The following RHOBTB3 variants were observed in gnomAD, a reference collection of about 807,000 sequenced individuals.
RHOBTB3 encodes the protein rho-related BTB domain-containing protein 3.
In RHOBTB3, 47 loss-of-function variants were observed where a neutral mutation model predicts 67.2. The ratio of observed to expected loss-of-function variants is 0.70; its 90% confidence interval spans 0.55 to 0.89. The LOEUF is 0.89. Among genes scored for constraint, RHOBTB3 ranks in the 40% least tolerant of loss-of-function variants. The pLI is 0.00. For synonymous variants in RHOBTB3, 273 were observed against 274.2 expected (o/e 1.00, Z 0.04); for missense variants, 631 against 750.0 (o/e 0.84, Z 1.85).
intron 1 of RHOBTB3, among the ~76,000 whole-genome samples, chr5:95,721,852 T>C (rs990339119): frequency 6.6e-6 from 1 of 152,158 alleles, no homozygotes; most frequent in African/African-American, 2.4e-5. Context: ...TCTATTAGAA[T>C]GCCAAAAGGA....
chr5:95,742,987 C>T (rs558259676), intron 3 of RHOBTB3, among the ~76,000 whole-genome samples: 3 of 152,250 alleles, frequency 2.0e-5, no homozygotes, highest in East Asian at 3.9e-4. Flanking sequence ...AGGAGAATGG[C>T]GTGAACCTGG....
At chr5:95,777,867 G>A (rs368219181) in intron 8 of RHOBTB3, among the ~76,000 whole-genome samples, 17 of 152,210 alleles carry the variant, frequency 1.1e-4, no homozygotes, top group South Asian at 4.1e-4. Flanking sequence ...CTGTAATGCC[G>A]GCACTTTGAG....
chr5:95,788,404 A>G (rs1030575363), intron 10 of RHOBTB3, among the ~76,000 whole-genome samples: 5 of 152,154 alleles, frequency 3.3e-5, no homozygotes, highest in African/African-American at 1.2e-4. Flanking sequence ...ACCATCATCT[A>G]CTACACAGAT....
Position 95,794,596 on chromosome 5 carries a change from TCA to T in RHOBTB3, c.*1425_*1426del, listed in dbSNP as rs1043310629. 1.3e-5 allele frequency: 2 copies of T among 152,220 alleles called. No homozygotes were observed. The highest frequency in any genetic ancestry group is 6.5e-5 in the Admixed American group (1 of 15,286). 9.4% of individuals were successfully genotyped at this position (152,220 alleles called of 1,614,324 possible). ...ATAGAGAAATAATTATATCAGAAAC[TCA>T]CAAACCTAGACATGGAAAAACAGAT... On this transcript the variant is annotated 3_prime_UTR_variant, in exon 12 of 12. Coordinates refer to ENST00000379982, the MANE Select transcript of RHOBTB3 (RefSeq NM_014899.4).
At chr5:95,773,199 A>T (rs770893828) in intron 8 of RHOBTB3, among the ~76,000 whole-genome samples, 3 of 152,198 alleles carry the variant, frequency 2.0e-5, no homozygotes, top group Non-Finnish European at 4.4e-5. Context: ...CTTTTCTTCC[A>T]TGATTCTACC....
chr5:95,752,406 C>T, intron 5 of RHOBTB3, 56 bp downstream of exon 5: 5 of 1,133,796 alleles, frequency 4.4e-6, no homozygotes, highest in Non-Finnish European at 6.6e-6. Flanking sequence ...CAGATCCTTT[C>T]TCACAGGTCT....
At chr5:95,743,795 C>G (rs931236026) in intron 3 of RHOBTB3, among the ~76,000 whole-genome samples, 2 of 147,936 alleles carry the variant, frequency 1.4e-5, no homozygotes, top group African/African-American at 5.0e-5. Flanking sequence ...ATGGCAACCT[C>G]CACCTCAGGT....
intron 11 of RHOBTB3, 61 bp downstream of exon 11, chr5:95,788,919 A>G: frequency 9.3e-7 from 1 of 1,069,664 alleles, no homozygotes; most frequent in Non-Finnish European, 1.4e-6. Flanking sequence ...TAGATTTGAG[A>G]CATAAGTTGT....
At chr5:95,720,306 A>T (rs1754830867) in intron 1 of RHOBTB3, among the ~76,000 whole-genome samples, 1 of 146,228 alleles carries the variant, frequency 6.8e-6, no homozygotes, top group South Asian at 2.3e-4. Context: ...TCAGTTGTTT[A>T]GAATAGTGAC....
At chr5:95,777,771 G>A (rs748935124) in intron 8 of RHOBTB3, among the ~76,000 whole-genome samples, 14 of 152,330 alleles carry the variant, frequency 9.2e-5, no homozygotes, top group East Asian at 1.9e-4. Flanking sequence ...AACAGGAAGC[G>A]TAATGGTTTT....
At chr5:95,748,991 A>T (rs1483127801) in intron 4 of RHOBTB3, among the ~76,000 whole-genome samples, 1 of 152,170 alleles carries the variant, frequency 6.6e-6, no homozygotes, top group Non-Finnish European at 1.5e-5. Flanking sequence ...TGCTTGTTGG[A>T]TATGTGGGAG....
At chr5:95,723,910 C>G (rs1272459202) in intron 1 of RHOBTB3, among the ~76,000 whole-genome samples, 1 of 152,226 alleles carries the variant, frequency 6.6e-6, no homozygotes, top group South Asian at 2.1e-4. Flanking sequence ...AGCACACTCC[C>G]AAGGGCTATA....
In RHOBTB3 at chr5:95,794,105, G is replaced by A. The variant is rs1341825461; in HGVS notation, c.*931G>A. Reference sequence around the variant, plus strand: ...AGATTCCCGCCTTTGGGGAGGTCTGGACCACCCAGGGCCTCCACTGCCACC... The same window carrying A: ...AGATTCCCGCCTTTGGGGAGGTCTGAACCACCCAGGGCCTCCACTGCCACC... On this transcript the variant is annotated 3_prime_UTR_variant, in exon 12 of 12. Transcript: ENST00000379982. 2 of 451,448 alleles carry A rather than the reference G, an allele frequency of 4.4e-6. No homozygotes were observed. The highest frequency in any genetic ancestry group is 4.0e-5 in the African/African-American group (2 of 49,756). The allele number at this position is 451,448 out of a possible 1,614,324, so 28.0% of individuals were successfully genotyped here. A position where few individuals can be genotyped will look rare whatever the true frequency, so the allele number is the denominator to read the frequency against.
chr5:95,762,805 T>A (rs1745431544), intron 6 of RHOBTB3, among the ~76,000 whole-genome samples: 1 of 152,098 alleles, frequency 6.6e-6, no homozygotes, highest in Non-Finnish European at 1.5e-5. Flanking sequence ...AGAGAAGTCC[T>A]TGGGGAAAAG....
In RHOBTB3 at chr5:95,788,858, G is replaced by T; in HGVS notation, c.1720G>T (p.Val574Leu). 6.6e-7 allele frequency: 1 copy of T among 1,514,266 alleles called. No individual in the cohort carries two copies. The highest frequency in any genetic ancestry group is 8.9e-7 in the Non-Finnish European group (1 of 1,129,054). 93.8% of individuals were successfully genotyped at this position (1,514,266 alleles called of 1,614,324 possible). A position where few individuals can be genotyped will look rare whatever the true frequency, so the allele number is the denominator to read the frequency against. Reference sequence around the variant, plus strand: ...AAAGCCTGAATTTCAGGATCTTTCAGGTAGATTGCTAATTTCTGTTTTGAA... The same window carrying T: ...AAAGCCTGAATTTCAGGATCTTTCATGTAGATTGCTAATTTCTGTTTTGAA... The part of the protein sequence containing the change: ...SQKPEFQDLS[V>L]EERSFVEKHR... The change falls in exon 11 of 12, where the codon GTG (valine) becomes TTG (leucine). Residue 574 changes from valine (V) to leucine (L), a missense_variant and splice_region_variant. By Grantham distance (32) the Val-to-Leu change is conservative. Coordinates refer to ENST00000379982, the MANE Select transcript of RHOBTB3 (RefSeq NM_014899.4).
At chr5:95,765,734 T>C (rs1745523189) in intron 7 of RHOBTB3, among the ~76,000 whole-genome samples, 1 of 152,226 alleles carries the variant, frequency 6.6e-6, no homozygotes, top group South Asian at 2.1e-4. Context: ...TGATCTCTGC[T>C]CACTGCAAGC....
chr5:95,762,002 T>C (rs1045565983), intron 6 of RHOBTB3, among the ~76,000 whole-genome samples: 3 of 152,096 alleles, frequency 2.0e-5, no homozygotes, highest in Non-Finnish European at 2.9e-5. Flanking sequence ...TACACAGCTT[T>C]GAGAATTTGA....
At chr5:95,756,675 A>T (rs981298777) in intron 6 of RHOBTB3, among the ~76,000 whole-genome samples, 8 of 151,786 alleles carry the variant, frequency 5.3e-5, no homozygotes, top group African/African-American at 1.9e-4. Context: ...CTTGCTGTTT[A>T]TTTTTTTTAA....
chr5:95,759,676 G>C (rs1295307537), intron 6 of RHOBTB3, among the ~76,000 whole-genome samples: 1 of 152,190 alleles, frequency 6.6e-6, no homozygotes, highest in Non-Finnish European at 1.5e-5. Flanking sequence ...AATGGGCCAG[G>C]CTTGTTTTGT....
Sources: gnomAD v4.1 joint callset for allele counts (sites outside exome capture counted in the v4.1 genomes callset) on GRCh38, gnomAD v4.1.1 for gene constraint, MANE v1.5 for transcripts, NCBI Gene and HGNC (gene_info 2026-07-23, HGNC 2026-07-21) for gene names.